The following SEMA3D variants were observed in gnomAD, a reference collection of about 807,000 sequenced individuals.
SEMA3D encodes the protein semaphorin-3D.
Under a neutral mutation model 100.1 loss-of-function variants are expected in SEMA3D, and 84 were observed. That is an observed-to-expected ratio of 0.84 (90% CI 0.70 to 1.01). The LOEUF (loss-of-function observed/expected upper bound fraction) is 1.01. SEMA3D is among the 50% of genes least tolerant of loss of function. The probability of loss-of-function intolerance (pLI) is 0.00; values close to 1 mark genes in which losing one functional copy is unlikely to be tolerated. For synonymous variants in SEMA3D, 312 were observed against 320.7 expected (o/e 0.97, Z 0.29); for missense variants, 875 against 934.1 (o/e 0.94, Z 0.82).
chr7:85,243,150 G>A, the SEMA3D span, among the ~76,000 whole-genome samples: 2 of 152,270 alleles, frequency 1.3e-5, no homozygotes, highest in Admixed American at 1.3e-4. Context: ...GTCTCTGATG[G>A]AACCTCAGCA....
At chr7:85,037,156 C>A in intron 11 of SEMA3D, 123 bp from the exon 12 acceptor site, 1 of 820,670 alleles carries the variant, frequency 1.2e-6, no homozygotes, top group Admixed American at 2.7e-5. Context: ...TTGATGGGTA[C>A]TGTAGACACA....
the SEMA3D span, among the ~76,000 whole-genome samples, chr7:85,239,679 A>G: frequency 2.6e-5 from 4 of 152,156 alleles, no homozygotes; most frequent in East Asian, 7.7e-4. Flanking sequence ...AAACGTTAAC[A>G]TTCAGTTGGA....
At chr7:85,010,045 G>C (rs961665454) in intron 17 of SEMA3D, among the ~76,000 whole-genome samples, 1 of 151,842 alleles carries the variant, frequency 6.6e-6, no homozygotes, top group South Asian at 2.1e-4. Context: ...ATCAGGAAAG[G>C]TGTCTCTGAA....
At position 85,100,879 on chromosome 7, in the gene SEMA3D, G is replaced by A. The variant is rs545383012; in HGVS notation, c.152-2914C>T. Among the ~76,000 whole-genome samples the A allele has an allele frequency of 4.6e-5, 7 of 151,954 alleles. No individual in the cohort carries two copies. The East Asian group carries it at 7.8e-4, about 17-fold the overall frequency. ...ATGATATTTGAAATCTCAAATGAGCGTGACTTTACTGAACATAAATGTCTT... is the reference window on the plus strand; with the variant it reads ...ATGATATTTGAAATCTCAAATGAGCATGACTTTACTGAACATAAATGTCTT... On this transcript the variant is annotated intron_variant, in intron 3 of 18. Coordinates refer to ENST00000284136, the MANE Select transcript of SEMA3D (RefSeq NM_001384900.1).
the SEMA3D span, among the ~76,000 whole-genome samples, chr7:85,247,059 T>C: frequency 3.9e-5 from 6 of 152,004 alleles, no homozygotes; most frequent in African/African-American, 4.8e-5. Context: ...CCTCTGGGAA[T>C]AAATGTAAGG....
intron 1 of SEMA3D, among the ~76,000 whole-genome samples, chr7:85,185,206 C>T (rs1228616342): frequency 6.6e-6 from 1 of 152,058 alleles, no homozygotes; most frequent in Admixed American, 6.5e-5. Context: ...AAGGCTCTGA[C>T]CACCCCTGCC....
At chr7:85,133,689 T>G (rs376979604) in intron 2 of SEMA3D, among the ~76,000 whole-genome samples, 1 of 152,016 alleles carries the variant, frequency 6.6e-6, no homozygotes, top group African/African-American at 2.4e-5. Flanking sequence ...TAATTTCTAT[T>G]TTGTTACTTA....
At chr7:85,075,424 T>TAA (rs113310937) in intron 5 of SEMA3D, among the ~76,000 whole-genome samples, 23,803 of 141,374 alleles carry the variant, frequency 0.17, 2,155 homozygotes, top group African/African-American at 0.26. Flanking sequence ...TGGTGATTAT[T>TAA]AAAAAAAAAA....
At chr7:85,132,577 TA>T (rs908881874) in intron 2 of SEMA3D, among the ~76,000 whole-genome samples, 26 of 151,936 alleles carry the variant, frequency 1.7e-4, no homozygotes, top group Admixed American at 6.6e-4. Context: ...AAGAACATAT[TA>T]AAAAATACAT....
intron 2 of SEMA3D, among the ~76,000 whole-genome samples, chr7:85,133,711 C>G (rs1252930253): frequency 6.6e-6 from 1 of 151,894 alleles, no homozygotes; most frequent in Non-Finnish European, 1.5e-5. Context: ...CAACTTTATC[C>G]TCTGAAAGAA....
intron 9 of SEMA3D, among the ~76,000 whole-genome samples, chr7:85,043,367 CAAAACA>C (rs1028951337): frequency 1.3e-5 from 2 of 151,774 alleles, no homozygotes; most frequent in Non-Finnish European, 2.9e-5. Flanking sequence ...CAAAAGCAAA[CAAAACA>C]AAAACAAAAA....
At chr7:85,205,078 T>C in the SEMA3D span, among the ~76,000 whole-genome samples, 154 of 152,258 alleles carry the variant, frequency 1.0e-3, no homozygotes, top group African/African-American at 3.6e-3. Context: ...TAGTCATTCA[T>C]ATGTCTTCTT....
chr7:85,183,189 C>G (rs529248445), intron 1 of SEMA3D, among the ~76,000 whole-genome samples: 1 of 152,246 alleles, frequency 6.6e-6, no homozygotes, highest in Admixed American at 6.5e-5. Context: ...ACACAGTAAA[C>G]AGACACTGAG....
At chr7:85,134,470 T>C (rs574060821) in intron 2 of SEMA3D, among the ~76,000 whole-genome samples, 3 of 152,128 alleles carry the variant, frequency 2.0e-5, no homozygotes, top group African/African-American at 7.2e-5. Context: ...CATGAGTTGT[T>C]ATAGCATAAT....
At chr7:85,189,200 G>A (rs531577678), upstream of SEMA3D, among the ~76,000 whole-genome samples, 3 of 152,192 alleles carry the variant, frequency 2.0e-5, no homozygotes, top group South Asian at 2.1e-4. Context: ...CCATGGCTCC[G>A]TAATCTTCAG....
chr7:85,177,161 C>T (rs1423860797), intron 1 of SEMA3D, among the ~76,000 whole-genome samples: 1 of 151,978 alleles, frequency 6.6e-6, no homozygotes, highest in East Asian at 1.9e-4. Context: ...CTGTATAGTG[C>T]ATGTATTCAG....
intron 1 of SEMA3D, chr7:85,167,374 T>C: frequency 1.0e-6 from 1 of 984,160 alleles, no homozygotes; most frequent in Non-Finnish European, 1.2e-6. Context: ...TGAAGGAAAG[T>C]AATGAGAAAG....
At chr7:85,140,962 A>T (rs1372125453) in intron 2 of SEMA3D, 2 of 578,556 alleles carry the variant, frequency 3.5e-6, no homozygotes, top group Admixed American at 1.3e-4. Flanking sequence ...TTTTCTATGC[A>T]TATACATAAA....
At chr7:85,106,308 G>A (rs1788917971) in intron 3 of SEMA3D, among the ~76,000 whole-genome samples, 1 of 151,796 alleles carries the variant, frequency 6.6e-6, no homozygotes, top group African/African-American at 2.4e-5. Context: ...ACACATATTT[G>A]GTATTTGTTT....
Sources: allele counts gnomAD v4.1 joint callset (sites outside exome capture counted in the v4.1 genomes callset), GRCh38; gene constraint gnomAD v4.1.1; transcripts MANE v1.5; gene names NCBI Gene and HGNC (gene_info 2026-07-23, HGNC 2026-07-21).